Variants in ZNF675 observed in about 807,000 individuals in gnomAD.
ZNF675 encodes TRAF6 inhibitory zinc finger.
Under a neutral mutation model 56.1 loss-of-function variants are expected in ZNF675, and 36 were observed. The ratio of observed to expected loss-of-function variants is 0.64; its 90% CI spans 0.49 to 0.85. The LOEUF (loss-of-function observed/expected upper bound fraction) is 0.85, where lower values mean the gene tolerates loss of function less well. Among genes scored for constraint, ZNF675 ranks in the 40% least tolerant of loss-of-function variants. The pLI is 0.00. For missense variants in ZNF675, 663 were observed against 654.2 expected, an observed-to-expected ratio of 1.01 and a Z score of -0.15; for synonymous variants, 200 against 218.9, an observed-to-expected ratio of 0.91 and a Z score of 0.76.
At chr19:23,684,815 C>T (rs1968422734) in intron 1 of ZNF675, among the ~76,000 whole-genome samples, 1 of 151,866 alleles carries the variant, frequency 6.6e-6, no homozygotes, top group African/African-American at 2.4e-5. Flanking sequence ...GTTTTTGCAT[C>T]ATTTCACTGA....
intron 1 of ZNF675, among the ~76,000 whole-genome samples, chr19:23,684,410 C>A (rs796328628): frequency 1.3e-5 from 2 of 151,884 alleles, no homozygotes; most frequent in African/African-American, 4.8e-5. Context: ...TTTGGGAGGC[C>A]AAGAGGGGCG....
At chr19:23,676,840 C>T (rs1291809414) in intron 1 of ZNF675, among the ~76,000 whole-genome samples, 9 of 151,302 alleles carry the variant, frequency 5.9e-5, no homozygotes, top group Non-Finnish European at 8.8e-5. Context: ...TTTGGGAGGC[C>T]GAGGTGGGTG....
rs1021963025 is a variant in ZNF675, at chr19:23,665,641, G to A, written c.4-2483C>T. On this transcript the variant is annotated intron_variant, in intron 1 of 3. Coordinates refer to ENST00000359788, the MANE Select transcript of ZNF675 (RefSeq NM_138330.3). ...CTTGAGTAGCTGGGATAACACAGGC[G>A]CCTGCCACCACAAGCAGCTAATTTT... Among the ~76,000 whole-genome samples, 25 of 151,912 alleles carry A rather than the reference G, an allele frequency of 1.6e-4. 1 individual carries two copies. The highest frequency in any genetic ancestry group is 1.2e-3 in the South Asian group (6 of 4,818).
intron 1 of ZNF675, among the ~76,000 whole-genome samples, chr19:23,678,075 C>T (rs1286800206): frequency 2.0e-5 from 3 of 150,134 alleles, no homozygotes; most frequent in South Asian, 2.1e-4. Context: ...GAACCAAGAT[C>T]GTGCCATTGC....
intron 3 of ZNF675, among the ~76,000 whole-genome samples, chr19:23,657,454 C>A (rs10854070): frequency 6.6e-6 from 1 of 152,246 alleles, no homozygotes; most frequent in African/African-American, 2.4e-5. Context: ...GGTGGCTCAC[C>A]CCTTGTAATC....
intron 1 of ZNF675, among the ~76,000 whole-genome samples, chr19:23,669,873 A>C (rs898746240): frequency 1.3e-5 from 2 of 151,914 alleles, no homozygotes; most frequent in Non-Finnish European, 1.5e-5. Flanking sequence ...TAAAAAAAAA[A>C]AACAACACCT....
Position 23,653,248 on chromosome 19 carries a change from T to G in ZNF675, c.1685A>C (p.Lys562Thr), listed in dbSNP as rs1488458095. 1.9e-6 allele frequency: 3 copies of G among 1,602,614 alleles called. No homozygotes were observed. The highest frequency in any genetic ancestry group is 2.6e-6 in the Non-Finnish European group (3 of 1,174,708). Reference sequence around the variant, plus strand: ...TTATCACACATTCCAGTTCTGTAGTTTCTCTCCAGTATGTATTTTTTTATG... The same window carrying G: ...TTATCACACATTCCAGTTCTGTAGTGTCTCTCCAGTATGTATTTTTTTATG... ...TKHKKIHTGE[K>T]LQNWNV Residue 562 changes from lysine (K) to threonine (T), a missense_variant, in exon 4 of 4, where the codon AAA becomes ACA. By Grantham distance (78) the Lys-to-Thr change is moderately conservative. Around this residue, in one of 3 missense-constraint regions of ZNF675, gnomAD observed 617 missense variants for 590.5 expected, o/e 1.04. Transcript: ENST00000359788.
chr19:23,659,851 C>A (rs1182202040), intron 3 of ZNF675, among the ~76,000 whole-genome samples: 3 of 152,094 alleles, frequency 2.0e-5, no homozygotes, highest in African/African-American at 7.2e-5. Context: ...AGGTAAAGGA[C>A]CTTAGTCTTT....
Position 23,687,126 on chromosome 19 carries a change from A to G in ZNF675, c.-93T>C. The G allele has an allele frequency of 1.3e-6, 2 of 1,512,640 alleles. No individual in the cohort carries two copies. Among genetic ancestry groups the G allele is most frequent in the Non-Finnish European group, 1.8e-6 (2 of 1,090,922 alleles). 93.7% of individuals were successfully genotyped at this position (1,512,640 alleles called of 1,614,324 possible). ...ACAGAGGCTGGACCTCTAGGAGCAG[A>G]GGACACAGAGCAATGAAAGCGAGAC... On this transcript the variant is annotated 5_prime_UTR_variant, in exon 1 of 4. Coordinates refer to ENST00000359788, the MANE Select transcript of ZNF675 (RefSeq NM_138330.3).
chr19:23,671,728 C>G (rs543832064), intron 1 of ZNF675, among the ~76,000 whole-genome samples: 2 of 151,618 alleles, frequency 1.3e-5, no homozygotes, highest in Non-Finnish European at 2.9e-5. Context: ...ATAGTCTAGA[C>G]TAAAAGTTCC....
Position 23,662,074 on chromosome 19 carries a change from A to C in ZNF675, c.226+40T>G, listed in dbSNP as rs771304340. On this transcript the variant is annotated intron_variant, in intron 3 of 3. Transcript: ENST00000359788. ...TTTCTCTTTGACCTTTGGACCTCTC[A>C]TCAGTGTCACCTGTTGTATTCACTT... The C allele has an allele frequency of 1.4e-5, 20 of 1,437,746 alleles. No individual in the cohort carries two copies. In the East Asian group the frequency reaches 4.5e-4, roughly 33 times the overall value. 89.1% of individuals were successfully genotyped at this position (1,437,746 alleles called of 1,614,324 possible). A position where few individuals can be genotyped will look rare whatever the true frequency, so the allele number is the denominator to read the frequency against.
chr19:23,669,145 T>C (rs954055213), intron 1 of ZNF675, among the ~76,000 whole-genome samples: 3 of 152,140 alleles, frequency 2.0e-5, no homozygotes, highest in African/African-American at 7.2e-5. Flanking sequence ...TTCTAGTAGA[T>C]GTTGGTAATT....
At chr19:23,677,096 A>ACG (rs1968307877) in intron 1 of ZNF675, among the ~76,000 whole-genome samples, 1 of 4,026 alleles carries the variant, frequency 2.5e-4, no homozygotes, top group South Asian at 0.028. Flanking sequence ...AAAAAGAGAA[A>ACG]AGAAAAAAAA....
rs1040049339 is a variant in ZNF675, at chr19:23,654,791, C to CAT, written c.227-87_227-86dup. ...CTAACTTATAAAATTACACAAACTACATAAGCAAGATGGCACCACAGGCCA... is the reference window on the plus strand; with the variant it reads ...CTAACTTATAAAATTACACAAACTACATATAAGCAAGATGGCACCACAGGCCA... On this transcript the variant is annotated intron_variant, in intron 3 of 3. Coordinates refer to ENST00000359788, the MANE Select transcript of ZNF675 (RefSeq NM_138330.3). The CAT allele has an allele frequency of 4.2e-5, 49 of 1,169,302 alleles. No homozygotes were observed. In the African/African-American group the frequency reaches 5.6e-4, roughly 13 times the overall value. 72.4% of individuals were successfully genotyped at this position (1,169,302 alleles called of 1,614,324 possible).
At chr19:23,677,351 A>G (rs1055062151) in intron 1 of ZNF675, among the ~76,000 whole-genome samples, 2 of 151,802 alleles carry the variant, frequency 1.3e-5, no homozygotes, top group Non-Finnish European at 2.9e-5. Flanking sequence ...ATACAAAATA[A>G]ACATACAAAA....
chr19:23,678,956 G>T (rs866817539), intron 1 of ZNF675, among the ~76,000 whole-genome samples: 2 of 151,408 alleles, frequency 1.3e-5, no homozygotes, highest in Non-Finnish European at 2.9e-5. Context: ...CACGAAGTCA[G>T]GAGATCGAGA....
intron 1 of ZNF675, among the ~76,000 whole-genome samples, chr19:23,682,747 T>C (rs1330623815): frequency 1.3e-5 from 2 of 151,780 alleles, no homozygotes; most frequent in Non-Finnish European, 2.9e-5. Flanking sequence ...AAACTATGTG[T>C]TTGAAAAATC....
chr19:23,667,445 C>T (rs1435212344), intron 1 of ZNF675, among the ~76,000 whole-genome samples: 2 of 152,136 alleles, frequency 1.3e-5, no homozygotes, highest in African/African-American at 4.8e-5. Context: ...ATTGGTAGAG[C>T]CGAGTGGTCT....
At position 23,663,201 on chromosome 19, in the gene ZNF675, CAG is replaced by C. The variant is rs778387628; in HGVS notation, c.4-45_4-44del. The stretch of plus-strand genomic sequence containing the variant: ...ACAAACATATTCACCAGGTAGCCAA[CAG>C]AGATTATAATTTGACTCAAGGTAAA... On this transcript the variant is annotated intron_variant, in intron 1 of 3. Coordinates refer to ENST00000359788, the MANE Select transcript of ZNF675 (RefSeq NM_138330.3). The C allele has an allele frequency of 4.4e-6, 7 of 1,573,808 alleles. No homozygotes were observed. The South Asian group carries it at 5.8e-5, about 13-fold the overall frequency.
Sources: allele counts gnomAD v4.1 joint callset (sites outside exome capture counted in the v4.1 genomes callset), GRCh38; gene constraint gnomAD v4.1.1; regional missense constraint gnomAD v4.1.1; transcripts MANE v1.5; gene names NCBI Gene and HGNC (gene_info 2026-07-23, HGNC 2026-07-21).